CLDN10: variants seen among roughly 807,000 people sequenced by gnomAD.
CLDN10 encodes claudin 10.
Under a neutral mutation model 22.9 loss-of-function variants are expected in CLDN10, and 15 were observed. The ratio of observed to expected loss-of-function variants is 0.65; its 90% CI spans 0.44 to 1.01. The LOEUF is 1.01. Ranked by LOEUF, CLDN10 falls within the 50% of genes least tolerant of loss-of-function variation. CLDN10 has a pLI of 0.00. For synonymous variants in CLDN10, 114 were observed against 111.4 expected (o/e 1.02, Z -0.15); for missense variants, 247 against 287.8 (o/e 0.86, Z 1.03).
intron 1 of CLDN10, among the ~76,000 whole-genome samples, chr13:95,487,312 A>G (rs1329254813): frequency 6.6e-6 from 1 of 152,220 alleles, no homozygotes; most frequent in African/African-American, 2.4e-5. Context: ...ACACTGATAT[A>G]AAGTCATCAC....
upstream of CLDN10, among the ~76,000 whole-genome samples, chr13:95,547,758 T>G (rs1428175085): frequency 6.6e-6 from 1 of 152,238 alleles, no homozygotes; most frequent in African/African-American, 2.4e-5. Flanking sequence ...GTACCATGCC[T>G]TATCACATTT....
At chr13:95,454,585 T>G (rs900099318) in intron 1 of CLDN10, among the ~76,000 whole-genome samples, 1 of 152,040 alleles carries the variant, frequency 6.6e-6, no homozygotes, top group Non-Finnish European at 1.5e-5. Context: ...GGAAGCAAAG[T>G]GTCCTTTTTC....
At chr13:95,563,093 C>CCGCT (rs1319576476) in intron 3 of CLDN10, among the ~76,000 whole-genome samples, 39 of 74,404 alleles carry the variant, frequency 5.2e-4, no homozygotes, top group Non-Finnish European at 1.2e-3. Flanking sequence ...CTCTGCCTAC[C>CCGCT]CACTCTCTCT....
intron 3 of CLDN10, among the ~76,000 whole-genome samples, chr13:95,565,374 G>C (rs1242953640): frequency 6.6e-6 from 1 of 152,176 alleles, no homozygotes; most frequent in African/African-American, 2.4e-5. Flanking sequence ...TCTGGTTGAG[G>C]AAGTAGAACA....
At chr13:95,452,439 G>T (rs1182787369) in intron 1 of CLDN10, among the ~76,000 whole-genome samples, 2 of 152,160 alleles carry the variant, frequency 1.3e-5, no homozygotes, top group Non-Finnish European at 2.9e-5. Flanking sequence ...GTGATTCTGG[G>T]CTGAGTCCCT....
intron 1 of CLDN10, among the ~76,000 whole-genome samples, chr13:95,490,189 T>A (rs1431712064): frequency 6.6e-6 from 1 of 152,218 alleles, no homozygotes; most frequent in African/African-American, 2.4e-5. Flanking sequence ...TAGTCCTGGT[T>A]TGGCTATGTG....
At chr13:95,452,607 G>A (rs188499810) in intron 1 of CLDN10, among the ~76,000 whole-genome samples, 1 of 152,274 alleles carries the variant, frequency 6.6e-6, no homozygotes, top group Admixed American at 6.5e-5. Context: ...ATTTCTATGA[G>A]GGCTCCAGTT....
At chr13:95,502,185 G>C (rs7981253) in intron 1 of CLDN10, among the ~76,000 whole-genome samples, 20,945 of 152,176 alleles carry the variant, frequency 0.14, 1,708 homozygotes, top group African/African-American at 0.22. Context: ...AAGTTTAGCT[G>C]AACTCCAAGC....
At chr13:95,574,568 G>A (rs528429383) in intron 3 of CLDN10, among the ~76,000 whole-genome samples, 17 of 152,126 alleles carry the variant, frequency 1.1e-4, no homozygotes, top group African/African-American at 2.4e-4. Context: ...TCAGGAGTGC[G>A]AGACCAGCTT....
At chr13:95,526,978 C>G (rs970077055) in intron 1 of CLDN10, among the ~76,000 whole-genome samples, 1 of 152,136 alleles carries the variant, frequency 6.6e-6, no homozygotes, top group African/African-American at 2.4e-5. Context: ...ATACTTCCAG[C>G]TTTCTGTTCA....
chr13:95,458,097 C>T (rs2042499662), intron 1 of CLDN10, among the ~76,000 whole-genome samples: 1 of 152,048 alleles, frequency 6.6e-6, no homozygotes. Flanking sequence ...TGTCTACCTC[C>T]TAGAACAGTA....
At chr13:95,498,472 G>A (rs986813557) in intron 1 of CLDN10, among the ~76,000 whole-genome samples, 3 of 152,126 alleles carry the variant, frequency 2.0e-5, no homozygotes, top group African/African-American at 7.2e-5. Context: ...ACGGCTCAGT[G>A]CAGCCTCAAC....
chr13:95,440,072 C>T (rs1402956613), intron 1 of CLDN10, among the ~76,000 whole-genome samples: 1 of 152,100 alleles, frequency 6.6e-6, no homozygotes, highest in Non-Finnish European at 1.5e-5. Context: ...CGCCACCATG[C>T]CTGGCTAATT....
chr13:95,484,928 G>C (rs8002444), intron 1 of CLDN10, among the ~76,000 whole-genome samples: 88,263 of 148,976 alleles, frequency 0.59, 27,486 homozygotes, highest in African/African-American at 0.79. Flanking sequence ...GGTATGATGG[G>C]GTCTTATTTA....
At chr13:95,566,835 A>G (rs981065836) in intron 3 of CLDN10, among the ~76,000 whole-genome samples, 22 of 152,178 alleles carry the variant, frequency 1.4e-4, no homozygotes, top group African/African-American at 5.1e-4. Flanking sequence ...CAGCTTTTAC[A>G]TATGGCTAGC....
intron 1 of CLDN10, among the ~76,000 whole-genome samples, chr13:95,523,561 C>G (rs1036879064): frequency 6.6e-6 from 1 of 151,934 alleles, no homozygotes; most frequent in Non-Finnish European, 1.5e-5. Flanking sequence ...CTACTGATAG[C>G]CAATTATCTC....
rs748553948 is a variant in CLDN10 at position 95,552,858 on chromosome 13, C to G, written c.105C>G (p.Ile35Met). The G allele has an allele frequency of 7.1e-5, 114 of 1,613,994 alleles. No homozygotes were observed. The highest frequency in any genetic ancestry group is 8.3e-5 in the Non-Finnish European group (98 of 1,180,006). The change falls in exon 1 of 5, where the codon ATC becomes ATG. Residue 35 changes from isoleucine (I) to methionine (M), a missense_variant. By Grantham distance (10) the Ile-to-Met change is conservative. Transcript: ENST00000299339. ...LPTDYWKVST[I>M]DGTVITTATY... Reference sequence around the variant, plus strand: ...CCGACTACTGGAAGGTGTCTACCATCGACGGCACGGTCATCACAACCGCCA... The same window carrying G: ...CCGACTACTGGAAGGTGTCTACCATGGACGGCACGGTCATCACAACCGCCA...
At chr13:95,507,486 T>C (rs1474498660) in intron 1 of CLDN10, among the ~76,000 whole-genome samples, 1 of 152,138 alleles carries the variant, frequency 6.6e-6, no homozygotes, top group Non-Finnish European at 1.5e-5. Context: ...CCTAGAGTGA[T>C]TATAAAGACG....
intron 1 of CLDN10, among the ~76,000 whole-genome samples, chr13:95,443,808 G>T (rs149327374): frequency 1.4e-3 from 213 of 152,268 alleles, no homozygotes; most frequent in Middle Eastern, 3.4e-3. Context: ...ATGTGCTTGT[G>T]GGGGGTCATT....
Sources: gnomAD v4.1 joint callset for allele counts (sites outside exome capture counted in the v4.1 genomes callset) on GRCh38, gnomAD v4.1.1 for gene constraint, MANE v1.5 for transcripts, NCBI Gene and HGNC (gene_info 2026-07-23, HGNC 2026-07-21) for gene names.